Variants in COL4A4 observed in about 807,000 individuals in gnomAD.
COL4A4 encodes collagen type IV alpha 4 chain, also known as collagen alpha-4(IV) chain.
Under a neutral mutation model 192.9 loss-of-function variants are expected in COL4A4, and 105 were observed. The ratio of observed to expected loss-of-function variants is 0.54; its 90% CI spans 0.46 to 0.64. The LOEUF is 0.64. Ranked by LOEUF, COL4A4 falls within the 30% of genes least tolerant of loss-of-function variation. The probability of loss-of-function intolerance (pLI) is 0.00; values close to 1 mark genes in which losing one functional copy is unlikely to be tolerated. For missense variants in COL4A4, 1,967 were observed against 2,169.3 expected (o/e 0.91, Z 1.85); for synonymous variants, 762 against 769.9 (o/e 0.99, Z 0.17).
intron 4 of COL4A4, among the ~76,000 whole-genome samples, chr2:227,121,517 G>A (rs1172641068): frequency 1.4e-5 from 2 of 140,638 alleles, no homozygotes; most frequent in Non-Finnish European, 3.0e-5. Context: ...TGAGCTGATC[G>A]CACCACTGCA....
chr2:227,146,162 G>A (rs1251982244), intron 2 of COL4A4, among the ~76,000 whole-genome samples: 2 of 152,208 alleles, frequency 1.3e-5, no homozygotes, highest in African/African-American at 4.8e-5. Flanking sequence ...TCCAAAGAGT[G>A]CAGACAGAAT....
intron 8 of COL4A4, among the ~76,000 whole-genome samples, chr2:227,113,910 T>G (rs1183379640): frequency 6.6e-6 from 1 of 152,204 alleles, no homozygotes; most frequent in East Asian, 1.9e-4. Flanking sequence ...ATCTTGAACA[T>G]GGGCTGTATT....
At chr2:227,000,629 A>G (rs1364347743), downstream of COL4A4, among the ~76,000 whole-genome samples, 1 of 152,174 alleles carries the variant, frequency 6.6e-6, no homozygotes, top group African/African-American at 2.4e-5. Context: ...GTGACTGAGC[A>G]TCAAGTAAGG....
At chr2:227,125,603 C>T (rs780084319) in intron 4 of COL4A4, among the ~76,000 whole-genome samples, 4 of 152,150 alleles carry the variant, frequency 2.6e-5, no homozygotes, top group Non-Finnish European at 5.9e-5. Flanking sequence ...TCACCATCTC[C>T]TCCCTCCTCC....
Position 227,055,942 on chromosome 2 carries a change from T to C in COL4A4, c.2716+3A>G. The stretch of plus-strand genomic sequence containing the variant: ...AGGACATCATGGAAAAAGCACTACC[T>C]ACCCTTTGGACCTGGAGGACCAGGT... On this transcript the variant is annotated splice_donor_region_variant and intron_variant, in intron 30 of 47. Transcript: ENST00000396625. 1 of 1,613,436 alleles carries C rather than the reference T, an allele frequency of 6.2e-7. No individual in the cohort carries two copies. Among genetic ancestry groups the C allele is most frequent in the South Asian group, 1.1e-5 (1 of 91,030 alleles).
At chr2:227,106,049 A>AG (rs1372264413) in intron 12 of COL4A4, among the ~76,000 whole-genome samples, 2 of 150,986 alleles carry the variant, frequency 1.3e-5, no homozygotes, top group East Asian at 3.9e-4. Context: ...TTTAAATAGA[A>AG]AAAAAAAAAA....
chr2:227,116,925 T>C (rs571368630), intron 7 of COL4A4, among the ~76,000 whole-genome samples: 2 of 152,356 alleles, frequency 1.3e-5, no homozygotes, highest in South Asian at 4.1e-4. Context: ...GCAAGTACTG[T>C]TGAAACTACT....
the COL4A4 span, among the ~76,000 whole-genome samples, chr2:226,972,299 G>A: frequency 6.6e-6 from 1 of 152,110 alleles, no homozygotes; most frequent in South Asian, 2.1e-4. Context: ...TGGTGTATAT[G>A]TGCCACATTT....
At chr2:226,993,886 G>A in the COL4A4 span, among the ~76,000 whole-genome samples, 1 of 152,224 alleles carries the variant, frequency 6.6e-6, no homozygotes, top group African/African-American at 2.4e-5. Flanking sequence ...GTCAGCTTAT[G>A]CATAGATGGA....
intron 44 of COL4A4, 55 bp from the exon 45 acceptor site, chr2:227,012,352 T>A (rs888585608): frequency 1.4e-6 from 2 of 1,385,594 alleles, no homozygotes; most frequent in African/African-American, 2.8e-5. Context: ...CCTGCTAGCA[T>A]TTACCGTGCT....
At chr2:227,010,616 G>A (rs1277133259) in intron 45 of COL4A4, 115 bp from the exon 46 acceptor site, 2 of 792,892 alleles carry the variant, frequency 2.5e-6, no homozygotes, top group Non-Finnish European at 3.9e-6. Flanking sequence ...AGGGGAGCAT[G>A]ACTCAGCCCC....
At position 227,004,657 on chromosome 2, in the gene COL4A4, A is replaced by G. The variant is rs1961704510; in HGVS notation, c.*2668T>C. 1 of 152,272 alleles carries G rather than the reference A, an allele frequency of 6.6e-6. No individual in the cohort carries two copies. The highest frequency in any genetic ancestry group is 6.5e-5 in the Admixed American group (1 of 15,282). The allele number at this position is 152,272 out of a possible 1,614,324, so 9.4% of individuals were successfully genotyped here. The stretch of plus-strand genomic sequence containing the variant: ...TAAAGAGGAGGTAGCCATCCAAAGC[A>G]GCGATGACTCAGCTTTCAATGTGGG... On this transcript the variant is annotated 3_prime_UTR_variant, in exon 48 of 48. Transcript: ENST00000396625.
At chr2:227,052,854 C>T (rs1394958162) in intron 31 of COL4A4, among the ~76,000 whole-genome samples, 1 of 152,168 alleles carries the variant, frequency 6.6e-6, no homozygotes, top group Non-Finnish European at 1.5e-5. Context: ...TGTGGTACCC[C>T]TCACACTGAC....
At chr2:227,121,264 A>G (rs1446085595) in intron 4 of COL4A4, 116 bp from the exon 5 acceptor site, 6 of 1,203,606 alleles carry the variant, frequency 5.0e-6, no homozygotes, top group Non-Finnish European at 7.1e-6. Flanking sequence ...GCACAACTCT[A>G]ATAATAGAAA....
intron 25 of COL4A4, among the ~76,000 whole-genome samples, chr2:227,075,755 A>C (rs2058989627): frequency 6.6e-6 from 1 of 152,194 alleles, no homozygotes; most frequent in Non-Finnish European, 1.5e-5. Context: ...GTCTCAGCCC[A>C]AAAACTCCTT....
rs780362149 is a variant in COL4A4, at chr2:227,007,200, C to G, written c.*125G>C. On this transcript the variant is annotated 3_prime_UTR_variant, in exon 48 of 48. Transcript: ENST00000396625. The stretch of plus-strand genomic sequence containing the variant: ...CAGAGGACTCTGGGAATAACCACGA[C>G]AAAACAGAAGGAACCACTGAAAGGG... The G allele has an allele frequency of 7.3e-7, 1 of 1,368,140 alleles. No homozygotes were observed. Among genetic ancestry groups the G allele is most frequent in the Non-Finnish European group, 1.0e-6 (1 of 958,220 alleles). The allele number at this position is 1,368,140 out of a possible 1,614,324, so 84.8% of individuals were successfully genotyped here.
downstream of COL4A4, chr2:226,998,970 T>C (rs1426678494): frequency 6.6e-6 from 1 of 152,280 alleles, no homozygotes; most frequent in African/African-American, 2.4e-5. Context: ...TCTTGGCCCA[T>C]TCAGATCCTC....
the COL4A4 span, among the ~76,000 whole-genome samples, chr2:226,971,587 TTCTC>T: frequency 6.6e-6 from 1 of 152,250 alleles, no homozygotes; most frequent in Non-Finnish European, 1.5e-5. Context: ...ATCCATTCTT[TTCTC>T]TCTGTTTAGT....
At chr2:227,060,099 C>CACAAA in intron 27 of COL4A4, 37 bp downstream of exon 27, 2 of 417,148 alleles carry the variant, frequency 4.8e-6, no homozygotes, top group East Asian at 9.5e-5. Flanking sequence ...ATTCCCAAAG[C>CACAAA]AGAAAAAAAA....
Sources: allele counts gnomAD v4.1 joint callset (sites outside exome capture counted in the v4.1 genomes callset), GRCh38; gene constraint gnomAD v4.1.1; transcripts MANE v1.5; gene names NCBI Gene and HGNC (gene_info 2026-07-23, HGNC 2026-07-21).